NEBL: variants seen among roughly 807,000 people sequenced by gnomAD.
NEBL encodes the protein nebulette.
A neutral mutation model predicts 140.2 loss-of-function variants in NEBL; 122 were observed. The ratio of observed to expected loss-of-function variants is 0.87; its 90% CI spans 0.75 to 1.01. The LOEUF is 1.01. Ranked by LOEUF, NEBL falls within the 50% of genes least tolerant of loss-of-function variation. NEBL has a pLI of 0.00. For synonymous variants in NEBL, 436 were observed against 398.9 expected, an observed-to-expected ratio of 1.09 and a Z score of -1.11; for missense variants, 1,365 against 1,231.3, an observed-to-expected ratio of 1.11 and a Z score of -1.62.
chr10:21,111,056 AAGG>A (rs1837987890), intron 2 of NEBL: 2 of 282,390 alleles, frequency 7.1e-6, no homozygotes, highest in Admixed American at 5.2e-5. Flanking sequence ...GGACCCCTTC[AAGG>A]AGAACTAAAA....
Position 21,126,003 on chromosome 10 carries a change from G to T in NEBL, c.164+46380C>A, listed in dbSNP as rs780994297. On this transcript the variant is annotated intron_variant, in intron 2 of 6. Coordinates refer to the NEBL transcript ENST00000417816. ...CCTGGATGGGCGGCTTGTAGAGACTGAAGCTGACTCTCCGCAGCCACCTGG... is the reference window on the plus strand; with the variant it reads ...CCTGGATGGGCGGCTTGTAGAGACTTAAGCTGACTCTCCGCAGCCACCTGG... 32 of 1,614,216 alleles carry T rather than the reference G, an allele frequency of 2.0e-5. No individual in the cohort carries two copies. In the South Asian group the frequency reaches 3.3e-4, roughly 17 times the overall value.
At chr10:21,226,071 C>G (rs780174619) in intron 3 of NEBL, among the ~76,000 whole-genome samples, 1 of 152,000 alleles carries the variant, frequency 6.6e-6, no homozygotes, top group Non-Finnish European at 1.5e-5. Context: ...TGCTGATTAT[C>G]CAGGGCCCAA....
intron 4 of NEBL, among the ~76,000 whole-genome samples, chr10:20,885,867 C>T (rs1479958497): frequency 1.3e-5 from 2 of 152,192 alleles, no homozygotes; most frequent in Non-Finnish European, 2.9e-5. Context: ...TAGTCACAGT[C>T]ACCCATGCAG....
At chr10:21,118,238 A>G (rs1282010973) in intron 2 of NEBL, among the ~76,000 whole-genome samples, 1 of 152,156 alleles carries the variant, frequency 6.6e-6, no homozygotes, top group African/African-American at 2.4e-5. Context: ...TTGTTGTTCC[A>G]TAATCCCTTC....
intron 9 of NEBL, among the ~76,000 whole-genome samples, chr10:20,854,227 A>T (rs1193863545): frequency 2.6e-5 from 4 of 152,172 alleles, no homozygotes; most frequent in African/African-American, 9.7e-5. Flanking sequence ...TAAAAATGGC[A>T]ATAGAGTGGA....
rs576595812 is a variant in NEBL, at chr10:21,099,501, C to G, written c.164+72882G>C. Among the ~76,000 whole-genome samples, 17 of 152,244 alleles carry G rather than the reference C, an allele frequency of 1.1e-4. No individual in the cohort carries two copies. In the South Asian group the frequency reaches 2.1e-3, roughly 19 times the overall value. ...ATATCATCTGAAAACATATGTTCCCCCAACCACCACCCCTTTCAATTTCCT... is the reference window on the plus strand; with the variant it reads ...ATATCATCTGAAAACATATGTTCCCGCAACCACCACCCCTTTCAATTTCCT... On this transcript the variant is annotated intron_variant, in intron 2 of 6. Transcript: ENST00000417816.
intron 2 of NEBL, among the ~76,000 whole-genome samples, chr10:21,142,404 C>T (rs1336611523): frequency 6.6e-6 from 1 of 152,092 alleles, no homozygotes; most frequent in Non-Finnish European, 1.5e-5. Flanking sequence ...CACCTTACCA[C>T]TCAGTCCATG....
chr10:20,922,263 T>C (rs1312430216), intron 4 of NEBL, among the ~76,000 whole-genome samples: 1 of 152,216 alleles, frequency 6.6e-6, no homozygotes, highest in African/African-American at 2.4e-5. Context: ...CTCTGTGTCA[T>C]AGCGACCCAA....
At chr10:21,111,302 A>C (rs936708781) in intron 2 of NEBL, among the ~76,000 whole-genome samples, 2 of 152,190 alleles carry the variant, frequency 1.3e-5, no homozygotes, top group African/African-American at 4.8e-5. Context: ...CCTAAGCAAA[A>C]AGAACAAAGT....
intron 14 of NEBL, among the ~76,000 whole-genome samples, chr10:20,831,881 G>T (rs545705309): frequency 6.6e-6 from 1 of 152,150 alleles, no homozygotes; most frequent in Non-Finnish European, 1.5e-5. Flanking sequence ...ATATTATTGG[G>T]TCATATATGG....
intron 4 of NEBL, among the ~76,000 whole-genome samples, chr10:20,939,742 C>A (rs1834738861): frequency 6.6e-6 from 1 of 152,134 alleles, no homozygotes; most frequent in Admixed American, 6.5e-5. Flanking sequence ...GGAGGAAGAT[C>A]TACCAAGCAA....
intron 3 of NEBL, among the ~76,000 whole-genome samples, chr10:20,996,006 T>G (rs1294060094): frequency 6.6e-6 from 1 of 152,198 alleles, no homozygotes; most frequent in Non-Finnish European, 1.5e-5. Context: ...AGATTCCTTC[T>G]GTGGCCAGAT....
At chr10:20,897,443 A>T (rs1847610203), upstream of NEBL, 1 of 1,224,214 alleles carries the variant, frequency 8.2e-7, no homozygotes, top group Non-Finnish European at 1.0e-6. Context: ...ATTCTTAAGC[A>T]AAATTTGATT....
At chr10:21,246,849 T>A (rs1412083861) in intron 3 of NEBL, among the ~76,000 whole-genome samples, 1 of 151,658 alleles carries the variant, frequency 6.6e-6, no homozygotes, top group Non-Finnish European at 1.5e-5. Context: ...AGAAAAAAAA[T>A]AAATTGGTAT....
intron 2 of NEBL, among the ~76,000 whole-genome samples, chr10:21,124,941 C>A (rs1838751473): frequency 6.6e-6 from 1 of 152,138 alleles, no homozygotes; most frequent in African/African-American, 2.4e-5. Flanking sequence ...GACTGTGAAG[C>A]AGAGCAAGAC....
At chr10:20,988,331 C>T (rs1251248079) in intron 3 of NEBL, among the ~76,000 whole-genome samples, 1 of 152,212 alleles carries the variant, frequency 6.6e-6, no homozygotes, top group Non-Finnish European at 1.5e-5. Context: ...GCCTCCTCAA[C>T]ATTCCATATC....
intron 3 of NEBL, among the ~76,000 whole-genome samples, chr10:21,010,722 C>G (rs1251693354): frequency 6.6e-6 from 1 of 152,140 alleles, no homozygotes; most frequent in Non-Finnish European, 1.5e-5. Flanking sequence ...ATCTACTGAG[C>G]TAATTAGGAA....
chr10:21,154,413 C>T (rs1005888771), intron 2 of NEBL, among the ~76,000 whole-genome samples: 1 of 148,864 alleles, frequency 6.7e-6, no homozygotes, highest in African/African-American at 2.5e-5. Flanking sequence ...GAGCTGAAAT[C>T]GCGCCACTGC....
intron 3 of NEBL, among the ~76,000 whole-genome samples, chr10:21,242,397 G>A (rs184941716): frequency 6.6e-6 from 1 of 152,070 alleles, no homozygotes; most frequent in Non-Finnish European, 1.5e-5. Flanking sequence ...ATGTTCTCAC[G>A]TATAACGGGA....
Sources: allele counts gnomAD v4.1 joint callset (sites outside exome capture counted in the v4.1 genomes callset), GRCh38; gene constraint gnomAD v4.1.1; transcripts MANE v1.5; gene names NCBI Gene and HGNC (gene_info 2026-07-23, HGNC 2026-07-21).